The following POU2F1 variants were observed in gnomAD, a reference collection of about 807,000 sequenced individuals.
POU2F1 encodes the protein POU domain, class 2, transcription factor 1.
In POU2F1, 16 loss-of-function variants were observed where a neutral mutation model predicts 84.9. The observed-to-expected ratio is 0.19, with a 90% CI of 0.13 to 0.29. The LOEUF is 0.29. Among genes scored for constraint, POU2F1 ranks in the 10% least tolerant of loss-of-function variants. The pLI, the probability that POU2F1 is intolerant of heterozygous loss-of-function variation, is 1.00. For synonymous variants in POU2F1, 368 were observed against 368.3 expected (o/e 1.00, Z 0.01); for missense variants, 738 against 942.6 (o/e 0.78, Z 2.84).
intron 1 of POU2F1, among the ~76,000 whole-genome samples, chr1:167,267,945 G>GT (rs1178239808): frequency 6.6e-6 from 1 of 152,002 alleles, no homozygotes; most frequent in Non-Finnish European, 1.5e-5. Flanking sequence ...CCGGCCTACT[G>GT]TGTCTTTTTT....
chr1:167,269,612 T>C (rs1652217351), intron 1 of POU2F1, among the ~76,000 whole-genome samples: 1 of 152,192 alleles, frequency 6.6e-6, no homozygotes, highest in Non-Finnish European at 1.5e-5. Flanking sequence ...TATTTTAATA[T>C]GGTAAAGAGC....
intron 1 of POU2F1, among the ~76,000 whole-genome samples, chr1:167,280,953 G>A (rs1653090103): frequency 6.6e-6 from 1 of 152,206 alleles, no homozygotes; most frequent in Non-Finnish European, 1.5e-5. Flanking sequence ...TAACACTAAT[G>A]TAAATCATAT....
At chr1:167,266,804 A>C (rs1291081113) in intron 1 of POU2F1, among the ~76,000 whole-genome samples, 1 of 151,880 alleles carries the variant, frequency 6.6e-6, no homozygotes, top group East Asian at 1.9e-4. Flanking sequence ...TTGTATTTTT[A>C]GTAGAGATGG....
rs540656431 is a variant in POU2F1, at chr1:167,262,492, C to T, written c.61+41534C>T. On this transcript the variant is annotated intron_variant, in intron 1 of 15. Coordinates refer to ENST00000367866, the MANE Select transcript of POU2F1 (RefSeq NM_002697.4). Reference sequence around the variant, plus strand: ...CAAGATGAATCAGAAACCGTATCTGCCCTCAAAGGGACTAAGTTCTTAAAC... The same window carrying T: ...CAAGATGAATCAGAAACCGTATCTGTCCTCAAAGGGACTAAGTTCTTAAAC... 2.6e-5 allele frequency among the ~76,000 whole-genome samples: 4 copies of T among 152,326 alleles called. No individual in the cohort carries two copies. In the South Asian group the frequency reaches 8.3e-4, roughly 32 times the overall value.
intron 1 of POU2F1, among the ~76,000 whole-genome samples, chr1:167,316,023 G>C (rs969900374): frequency 5.9e-5 from 9 of 152,150 alleles, no homozygotes; most frequent in African/African-American, 2.2e-4. Flanking sequence ...AAAATAACCA[G>C]TTATGAAGGT....
At chr1:167,283,141 T>A (rs1380642517) in intron 1 of POU2F1, among the ~76,000 whole-genome samples, 1 of 152,206 alleles carries the variant, frequency 6.6e-6, no homozygotes, top group Non-Finnish European at 1.5e-5. Flanking sequence ...ATTGTGACCC[T>A]TTTTTGAGGG....
intron 1 of POU2F1, among the ~76,000 whole-genome samples, chr1:167,238,391 AAAAC>A (rs1393440146): frequency 2.6e-5 from 4 of 152,230 alleles, no homozygotes; most frequent in Admixed American, 1.3e-4. Context: ...ATAAAATTTG[AAAAC>A]AAACAAACTT....
intron 1 of POU2F1, among the ~76,000 whole-genome samples, chr1:167,315,469 A>G (rs1655815385): frequency 6.6e-6 from 1 of 152,138 alleles, no homozygotes; most frequent in Non-Finnish European, 1.5e-5. Flanking sequence ...CTCAATAAGT[A>G]AATGCCTAAC....
At chr1:167,271,962 G>T (rs751560100) in intron 1 of POU2F1, among the ~76,000 whole-genome samples, 2 of 152,100 alleles carry the variant, frequency 1.3e-5, no homozygotes, top group Non-Finnish European at 2.9e-5. Flanking sequence ...CTTTTATTGG[G>T]ATATAACCAT....
intron 1 of POU2F1, among the ~76,000 whole-genome samples, chr1:167,310,616 G>A (rs997839504): frequency 3.3e-5 from 5 of 152,072 alleles, no homozygotes; most frequent in South Asian, 4.1e-4. Context: ...GTCCATGTAC[G>A]TAAAAATGTT....
rs536296674 is a variant in POU2F1, at chr1:167,259,490, T to G, written c.61+38532T>G. Among the ~76,000 whole-genome samples, 4 of 152,352 alleles carry G rather than the reference T, an allele frequency of 2.6e-5. No homozygotes were observed. The South Asian group carries it at 8.3e-4, about 32-fold the overall frequency. ...TCTTTTGATGGACATTTTGACTGTT[T>G]CCAGTTCTTGGCACTTATAAGCAAT... On this transcript the variant is annotated intron_variant, in intron 1 of 15. Transcript: ENST00000367866.
At chr1:167,292,511 A>G (rs912443755) in intron 1 of POU2F1, among the ~76,000 whole-genome samples, 1 of 151,724 alleles carries the variant, frequency 6.6e-6, no homozygotes, top group Non-Finnish European at 1.5e-5. Context: ...GCCAACAAAA[A>G]AAGTCCAGGA....
chr1:167,327,192 T>C (rs1167011857), intron 1 of POU2F1, among the ~76,000 whole-genome samples: 1 of 152,250 alleles, frequency 6.6e-6, no homozygotes, highest in Non-Finnish European at 1.5e-5. Flanking sequence ...GTTTATCCAG[T>C]GACTTGATGT....
chr1:167,380,263 C>T (rs1184135651), intron 7 of POU2F1: 1 of 152,186 alleles, frequency 6.6e-6, no homozygotes, highest in East Asian at 1.9e-4. Context: ...TCAGTGTTCA[C>T]CTCTAAGAGT....
At chr1:167,306,468 C>T (rs913301059) in intron 1 of POU2F1, among the ~76,000 whole-genome samples, 1 of 151,984 alleles carries the variant, frequency 6.6e-6, no homozygotes. Context: ...AGATATAATA[C>T]CTTTATTTTT....
chr1:167,220,928 G>T lies in POU2F1; in HGVS notation c.31G>T (p.Glu11Ter). The change falls in exon 1 of 16, where the codon GAG (glutamate) becomes TAG (stop). Residue 11 changes from glutamate to a stop codon, truncating the protein, a stop_gained. Coordinates refer to ENST00000367866, the MANE Select transcript of POU2F1 (RefSeq NM_002697.4). LOFTEE classifies it high-confidence loss of function. MADGGAASQD[E>*]SSAAAAAAAD... is the part of the protein sequence containing the mutation. The stretch of plus-strand genomic sequence containing the variant: ...GGACGGAGGAGCAGCGAGTCAAGAT[G>T]AGAGTTCAGCCGCGGCGGCAGCAGC... 1 of 1,535,420 alleles carries T rather than the reference G, an allele frequency of 6.5e-7. No homozygotes were observed. The highest frequency in any genetic ancestry group is 8.7e-7 in the Non-Finnish European group (1 of 1,146,806).
At chr1:167,411,459 GT>G (rs1649961918) in intron 13 of POU2F1, among the ~76,000 whole-genome samples, 1 of 151,758 alleles carries the variant, frequency 6.6e-6, no homozygotes. Context: ...TTACAGAATA[GT>G]TGTTTGAATG....
intron 1 of POU2F1, among the ~76,000 whole-genome samples, chr1:167,307,056 C>T (rs1655120598): frequency 6.6e-6 from 1 of 152,156 alleles, no homozygotes; most frequent in Admixed American, 6.5e-5. Context: ...TATAATACCA[C>T]ATTTAAAATT....
At chr1:167,401,032 GT>G (rs34323297) in intron 12 of POU2F1, among the ~76,000 whole-genome samples, 16 of 151,646 alleles carry the variant, frequency 1.1e-4, no homozygotes, top group South Asian at 4.2e-4. Flanking sequence ...AAACTAATCC[GT>G]TTTTTTTAAA....
Sources: gnomAD v4.1 joint callset for allele counts (sites outside exome capture counted in the v4.1 genomes callset) on GRCh38, gnomAD v4.1.1 for gene constraint, MANE v1.5 for transcripts, NCBI Gene and HGNC (gene_info 2026-07-23, HGNC 2026-07-21) for gene names.